STAG2: variants seen among roughly 807,000 people sequenced by gnomAD.
STAG2 encodes the protein STAG2 cohesin complex component.
STAG2 carries 14 observed loss-of-function variants against 108.1 expected under a neutral mutation model. The observed-to-expected ratio is 0.13, with a 90% CI of 0.09 to 0.20. The LOEUF (loss-of-function observed/expected upper bound fraction) is 0.20. Among genes scored for constraint, STAG2 ranks in the 10% least tolerant of loss-of-function variants. The pLI is 1.00. For synonymous variants in STAG2, 307 were observed against 302.7 expected, an observed-to-expected ratio of 1.01 and a Z score of -0.15; for missense variants, 440 against 940.9, an observed-to-expected ratio of 0.47 and a Z score of 6.96.
intron 6 of STAG2, among the ~76,000 whole-genome samples, chrX:124,039,140 A>T (rs939790163): frequency 3.0e-5 from 3 of 101,239 alleles, no homozygotes; most frequent in Non-Finnish European, 4.0e-5. Flanking sequence ...CCTTTTATTT[A>T]TTATTATTAT....
intron 7 of STAG2, among the ~76,000 whole-genome samples, chrX:124,043,028 A>G (rs1379972698): frequency 9.1e-6 from 1 of 109,957 alleles, no homozygotes; most frequent in African/African-American, 3.3e-5. Context: ...AAAAGGAAAA[A>G]AAAAATTGTA....
chrX:124,064,506 C>T lies in STAG2; in HGVS notation c.2025+455C>T, dbSNP rs375159206. ...TTGCCCAGGCTGGAGCGCAGTGGTA[C>T]GATCTCGGCTCACTGCAGCTTCTGC... On this transcript the variant is annotated intron_variant, in intron 20 of 34. Coordinates refer to ENST00000371145, the MANE Select transcript of STAG2 (RefSeq NM_001042750.2). 2.7e-4 allele frequency among the ~76,000 whole-genome samples: 29 copies of T among 105,722 alleles called. No individual in the cohort carries two copies. In the South Asian group the frequency reaches 5.2e-3, roughly 19 times the overall value. 91.8% of individuals were successfully genotyped at this position (105,722 alleles called of 115,157 possible).
At position 124,090,902 on chromosome X, in the gene STAG2, G is replaced by A. The variant is rs778685641; in HGVS notation, c.3516G>A (p.Arg1172=). 2.5e-6 allele frequency: 3 copies of A among 1,211,532 alleles called. No homozygotes were observed. Among genetic ancestry groups the A allele is most frequent in the South Asian group, 3.5e-5 (2 of 56,942 alleles). ...CTCAAAGACAACAAGAGGAAGCAAG[G>A]CAACAGCAGGAGAGAGCAGCAATGA... ...MLAQRQQEEA[R]QQQERAAMSY... is the part of the protein sequence containing the mutation. Residue 1172 remains arginine, a synonymous_variant, in exon 32 of 35, where the codon AGG becomes AGA. Coordinates refer to ENST00000371145, the MANE Select transcript of STAG2 (RefSeq NM_001042750.2).
At chrX:124,078,092 A>T in intron 27 of STAG2, 34 bp downstream of exon 27, 1 of 1,004,883 alleles carries the variant, frequency 1.0e-6, no homozygotes, top group Non-Finnish European at 1.4e-6. Flanking sequence ...TAGCTAACAC[A>T]ATTAACACCT....
chrX:124,054,574 A>G (rs2058139897), intron 13 of STAG2, among the ~76,000 whole-genome samples: 1 of 112,022 alleles, frequency 8.9e-6, no homozygotes, highest in Admixed American at 9.5e-5. Context: ...CTTTCCCACC[A>G]TCCTCCACAG....
At chrX:124,079,134 T>G (rs1451417799) in intron 27 of STAG2, among the ~76,000 whole-genome samples, 1 of 101,723 alleles carries the variant, frequency 9.8e-6, no homozygotes, top group Non-Finnish European at 2.0e-5. Context: ...AGGAATGTCC[T>G]TTTTTTTTTT....
At chrX:124,045,741 T>C (rs2057856367) in intron 8 of STAG2, among the ~76,000 whole-genome samples, 1 of 110,593 alleles carries the variant, frequency 9.0e-6, no homozygotes, top group Non-Finnish European at 1.9e-5. Flanking sequence ...GAAGGGAAAA[T>C]TGGATGATAG....
chrX:124,073,848 A>C (rs971069345), intron 25 of STAG2, among the ~76,000 whole-genome samples: 1 of 111,997 alleles, frequency 8.9e-6, no homozygotes, highest in African/African-American at 3.2e-5. Flanking sequence ...GGTTTTTTAA[A>C]GAAATAAAAG....
chrX:123,997,539 T>A (rs2055798925), intron 1 of STAG2, among the ~76,000 whole-genome samples: 1 of 112,553 alleles, frequency 8.9e-6, no homozygotes, highest in Admixed American at 9.4e-5. Flanking sequence ...CTTTAGGTAC[T>A]TCATCCCGTA....
intron 1 of STAG2, among the ~76,000 whole-genome samples, chrX:124,004,177 C>T: frequency 8.9e-6 from 1 of 111,771 alleles, no homozygotes; most frequent in Admixed American, 9.5e-5. Flanking sequence ...CAAGGTGCAG[C>T]CCTGGGCAGG....
At chrX:124,009,644 C>T (rs1047269996) in intron 1 of STAG2, among the ~76,000 whole-genome samples, 2 of 111,044 alleles carry the variant, frequency 1.8e-5, no homozygotes, top group African/African-American at 6.6e-5. Context: ...AAGATTGTTG[C>T]TGCTTTTTAC....
intron 24 of STAG2, among the ~76,000 whole-genome samples, chrX:124,069,513 G>A (rs1167129448): frequency 9.0e-6 from 1 of 111,178 alleles, no homozygotes; most frequent in African/African-American, 3.3e-5. Flanking sequence ...CCCTTTGTTT[G>A]GCACTTGTCT....
chrX:124,055,427 C>T (rs902164539), intron 13 of STAG2, among the ~76,000 whole-genome samples: 3 of 112,676 alleles, frequency 2.7e-5, no homozygotes, highest in African/African-American at 9.7e-5. Context: ...GGCCAGGACT[C>T]TGAATGCAGT....
intron 34 of STAG2, among the ~76,000 whole-genome samples, chrX:124,100,274 A>G (rs1358495403): frequency 9.0e-6 from 1 of 111,619 alleles, no homozygotes; most frequent in African/African-American, 3.2e-5. Flanking sequence ...ACCTATGTTG[A>G]GTGCCTATGT....
At chrX:124,086,357 C>G (rs1451429101) in intron 29 of STAG2, among the ~76,000 whole-genome samples, 190 bp from the exon 30 acceptor site, 1 of 111,495 alleles carries the variant, frequency 9.0e-6, no homozygotes, top group Non-Finnish European at 1.9e-5. Flanking sequence ...AGGTACTCAG[C>G]AAATGTTAAA....
rs1389647280 is a variant in STAG2, at chrX:124,045,199, T to C, written c.498T>C (p.Pro166=). The part of the protein sequence containing the change: ...SGDYPLTMAG[P]QWKKFKSSFC... ...ATTATCCACTTACCATGGCTGGTCC[T>C]CAGTGGAAGAAGTTCAAATCCAGTT... Residue 166 remains proline (P), a synonymous_variant, in exon 8 of 35, where the codon CCT becomes CCC. Coordinates refer to ENST00000371145, the MANE Select transcript of STAG2 (RefSeq NM_001042750.2). 1 of 1,211,394 alleles carries C rather than the reference T, an allele frequency of 8.3e-7. No homozygotes were observed. The highest frequency in any genetic ancestry group is 2.2e-5 in the Admixed American group (1 of 46,056).
chrX:124,018,575 A>G (rs1412776549), intron 1 of STAG2, among the ~76,000 whole-genome samples: 1 of 110,986 alleles, frequency 9.0e-6, no homozygotes, highest in African/African-American at 3.3e-5. Context: ...ATCATGGCTC[A>G]CTGCAGCTTC....
intron 30 of STAG2, 133 bp from the exon 31 acceptor site, chrX:124,090,442 A>G (rs939321122): frequency 1.3e-5 from 7 of 528,969 alleles, no homozygotes; most frequent in Admixed American, 3.2e-5. Flanking sequence ...TGCCCCTTAC[A>G]TAGGTTTGTG....
intron 1 of STAG2, among the ~76,000 whole-genome samples, chrX:123,969,959 T>TG (rs1340902766): frequency 9.9e-6 from 1 of 100,878 alleles, no homozygotes; most frequent in African/African-American, 3.8e-5. Flanking sequence ...CCTGTTTTTT[T>TG]TTTTTTTTTT....
Sources: gnomAD v4.1 joint callset for allele counts (sites outside exome capture counted in the v4.1 genomes callset) on GRCh38, gnomAD v4.1.1 for gene constraint, MANE v1.5 for transcripts, NCBI Gene and HGNC (gene_info 2026-07-23, HGNC 2026-07-21) for gene names.